Variants in ITGB1 observed in about 807,000 individuals in gnomAD.
The protein encoded by ITGB1 is integrin beta-1.
ITGB1 carries 24 observed loss-of-function variants against 86.5 expected under a neutral mutation model. That is an observed-to-expected ratio of 0.28 (90% CI 0.20 to 0.39). ITGB1 has a LOEUF of 0.39. Ranked by LOEUF, ITGB1 falls within the 10% of genes least tolerant of loss-of-function variation. The pLI is 1.00. For missense variants in ITGB1, 556 were observed against 946.9 expected (o/e 0.59, Z 5.42); for synonymous variants, 323 against 316.8 (o/e 1.02, Z -0.21).
rs2094888602 is a variant in ITGB1 at position 32,903,677 on chromosome 10, A to T, written c.2332-2042T>A. Among the ~76,000 whole-genome samples the T allele has an allele frequency of 2.0e-5, 3 of 152,144 alleles. No individual in the cohort carries two copies. In the South Asian group the frequency reaches 6.2e-4, roughly 32 times the overall value. ...AACATGGACAAACTCAGGATCCCTC[A>T]GAGACAAACAGCATATAATGTGGAT... On this transcript the variant is annotated intron_variant, in intron 15 of 15. Coordinates refer to ENST00000302278, the MANE Select transcript of ITGB1 (RefSeq NM_002211.4).
chr10:32,918,831 G>GA (rs963558374), intron 11 of ITGB1, among the ~76,000 whole-genome samples: 4 of 151,600 alleles, frequency 2.6e-5, no homozygotes, highest in African/African-American at 7.3e-5. Context: ...TATGGAAGTT[G>GA]AAAAAAAACA....
intron 11 of ITGB1, among the ~76,000 whole-genome samples, chr10:32,915,316 A>G (rs2094928090): frequency 6.6e-6 from 1 of 152,256 alleles, no homozygotes; most frequent in South Asian, 2.1e-4. Context: ...AACTAAGATC[A>G]GAGCAGAACT....
At chr10:32,923,455 G>A (rs1006493695) in intron 7 of ITGB1, 130 bp downstream of exon 7, 1 of 643,002 alleles carries the variant, frequency 1.6e-6, no homozygotes, top group South Asian at 2.4e-5. Flanking sequence ...TTTCAATCAG[G>A]ACCCCTACTT....
At chr10:32,908,760 TATAA>T (rs1332282731) in intron 14 of ITGB1, among the ~76,000 whole-genome samples, 1 of 149,082 alleles carries the variant, frequency 6.7e-6, no homozygotes, top group Admixed American at 7.0e-5. Context: ...ATATTGAAAA[TATAA>T]GTTTTTAAAC....
chr10:32,917,832 T>G (rs1313972630), intron 11 of ITGB1, among the ~76,000 whole-genome samples: 1 of 152,202 alleles, frequency 6.6e-6, no homozygotes, highest in African/African-American at 2.4e-5. Context: ...GACCCAGCCA[T>G]CCCATTACTG....
chr10:32,915,107 T>C (rs1438047326), intron 11 of ITGB1, among the ~76,000 whole-genome samples: 2 of 152,178 alleles, frequency 1.3e-5, no homozygotes, highest in Admixed American at 6.5e-5. Context: ...AAGATGTTCT[T>C]TGAAACCAGT....
intron 1 of ITGB1, among the ~76,000 whole-genome samples, chr10:32,941,364 T>G (rs934568467): frequency 6.6e-6 from 1 of 152,234 alleles, no homozygotes; most frequent in Non-Finnish European, 1.5e-5. Context: ...GAGTGATTAT[T>G]TTATCCTTAT....
intron 1 of ITGB1, among the ~76,000 whole-genome samples, chr10:32,938,076 A>G (rs1183147584): frequency 1.3e-5 from 2 of 152,230 alleles, no homozygotes; most frequent in African/African-American, 2.4e-5. Context: ...TTTTGCTTAC[A>G]TATCACTTGT....
chr10:32,931,999 A>C (rs1241599646), intron 3 of ITGB1, among the ~76,000 whole-genome samples: 1 of 152,088 alleles, frequency 6.6e-6, no homozygotes, highest in African/African-American at 2.4e-5. Flanking sequence ...GATGCAAATC[A>C]ATTCCAGTAG....
intron 2 of ITGB1, among the ~76,000 whole-genome samples, chr10:32,934,923 A>G (rs1176926229): frequency 6.6e-6 from 1 of 152,098 alleles, no homozygotes; most frequent in African/African-American, 2.4e-5. Flanking sequence ...TCCAATCCTG[A>G]TATCGAACTG....
chr10:32,911,801 T>C, intron 12 of ITGB1, 85 bp downstream of exon 12: 1 of 1,428,544 alleles, frequency 7.0e-7, no homozygotes, highest in Non-Finnish European at 9.7e-7. Context: ...CTACCCCTTT[T>C]CTACTTATGC....
intron 14 of ITGB1, 33 bp downstream of exon 14, chr10:32,910,190 T>C (rs370104634): frequency 6.8e-6 from 10 of 1,479,244 alleles, no homozygotes; most frequent in African/African-American, 1.4e-5. Flanking sequence ...ATACAAGATA[T>C]GAAAAGAATG....
chr10:32,915,804 A>C (rs1370640337), intron 11 of ITGB1, among the ~76,000 whole-genome samples: 1 of 152,226 alleles, frequency 6.6e-6, no homozygotes, highest in Non-Finnish European at 1.5e-5. Context: ...ATCCTCCCTA[A>C]CTCACGTTAT....
At chr10:32,920,500 C>G (rs890877208) in intron 9 of ITGB1, 115 bp from the exon 10 acceptor site, 11 of 871,130 alleles carry the variant, frequency 1.3e-5, no homozygotes, top group African/African-American at 1.2e-4. Flanking sequence ...TATCTACAAG[C>G]CAAATCCAAT....
chr10:32,911,734 G>GT, intron 12 of ITGB1, 64 bp from the exon 13 acceptor site: 1 of 1,554,648 alleles, frequency 6.4e-7, no homozygotes, highest in East Asian at 2.2e-5. Flanking sequence ...TGACTGAAAA[G>GT]TAAAATAAGC....
chr10:32,919,944 G>A lies in ITGB1; in HGVS notation c.1410C>T (p.Gly470=). 3.7e-6 allele frequency: 6 copies of A among 1,614,086 alleles called. No individual in the cohort carries two copies. The highest frequency in any genetic ancestry group is 5.1e-6 in the Non-Finnish European group (6 of 1,179,996). Residue 470 remains glycine (G), a synonymous_variant, in exon 11 of 16, where the codon GGC becomes GGT. Coordinates refer to ENST00000302278, the MANE Select transcript of ITGB1 (RefSeq NM_002211.4). The part of the protein sequence containing the change: ...YICECECQSE[G]IPESPKCHEG... ...CATGACACTTGGGACTTTCAGGGAT[G>A]CCTTCGCTTTGGCATTCACATTCAC... is the stretch of plus-strand genomic sequence containing the variant.
intron 5 of ITGB1, among the ~76,000 whole-genome samples, chr10:32,926,620 G>A (rs2094965734): frequency 6.6e-6 from 1 of 152,144 alleles, no homozygotes; most frequent in African/African-American, 2.4e-5. Flanking sequence ...AGCTTCCTGA[G>A]GCCTCCCCAG....
chr10:32,914,252 T>A (rs976242772), intron 11 of ITGB1, among the ~76,000 whole-genome samples: 4 of 152,158 alleles, frequency 2.6e-5, no homozygotes, highest in African/African-American at 4.8e-5. Context: ...AGAAACTGCA[T>A]CAGCTAATGA....
intron 1 of ITGB1, among the ~76,000 whole-genome samples, chr10:32,952,406 CA>C (rs1181213340): frequency 3.3e-5 from 5 of 152,212 alleles, no homozygotes; most frequent in Non-Finnish European, 7.4e-5. Flanking sequence ...ATTTTTCTAA[CA>C]TAACATTATA....
Sources: gnomAD v4.1 joint callset for allele counts (sites outside exome capture counted in the v4.1 genomes callset) on GRCh38, gnomAD v4.1.1 for gene constraint, MANE v1.5 for transcripts, NCBI Gene and HGNC (gene_info 2026-07-23, HGNC 2026-07-21) for gene names.